Variants in TSNARE1 observed in about 807,000 individuals in gnomAD.
TSNARE1 encodes t-SNARE domain containing 1, also known as t-SNARE domain-containing protein 1.
TSNARE1 carries 49 observed loss-of-function variants against 62.0 expected under a neutral mutation model. The ratio of observed to expected loss-of-function variants is 0.79; its 90% confidence interval spans 0.63 to 1.00. TSNARE1 has a LOEUF of 1.00. Among genes scored for constraint, TSNARE1 ranks in the 50% least tolerant of loss-of-function variants. The pLI, the probability that TSNARE1 is intolerant of heterozygous loss-of-function variation, is 0.00. For synonymous variants in TSNARE1, 328 were observed against 294.4 expected, an observed-to-expected ratio of 1.11 and a Z score of -1.17; for missense variants, 755 against 700.1, an observed-to-expected ratio of 1.08 and a Z score of -0.88.
chr8:142,382,820 C>T (rs1413254398), intron 1 of TSNARE1, among the ~76,000 whole-genome samples: 1 of 152,250 alleles, frequency 6.6e-6, no homozygotes, highest in Non-Finnish European at 1.5e-5. Context: ...GTGCGGAAGG[C>T]ACTTTTCTGT....
chr8:142,213,962 C>T (rs957963293), intron 13 of TSNARE1, among the ~76,000 whole-genome samples: 4 of 151,746 alleles, frequency 2.6e-5, no homozygotes, highest in East Asian at 1.9e-4. Flanking sequence ...CAGAGCCAGC[C>T]CCCCCGGGAA....
At chr8:142,251,233 C>A (rs997859571) in intron 12 of TSNARE1, among the ~76,000 whole-genome samples, 3 of 151,940 alleles carry the variant, frequency 2.0e-5, no homozygotes, top group African/African-American at 7.2e-5. Context: ...GACCCCGGCC[C>A]CCCTGCACAC....
intron 11 of TSNARE1, among the ~76,000 whole-genome samples, chr8:142,279,332 C>A (rs574036284): frequency 3.3e-5 from 5 of 152,320 alleles, no homozygotes; most frequent in Admixed American, 3.3e-4. Flanking sequence ...CGACACCAGG[C>A]GGGAACGGCA....
intron 10 of TSNARE1, among the ~76,000 whole-genome samples, chr8:142,297,132 G>A (rs1044573061): frequency 2.6e-5 from 4 of 152,216 alleles, no homozygotes; most frequent in Non-Finnish European, 5.9e-5. Flanking sequence ...GAGCGGACAC[G>A]GGCCTAAAGC....
chr8:142,304,837 G>T (rs1001260697), intron 9 of TSNARE1, among the ~76,000 whole-genome samples: 1 of 152,182 alleles, frequency 6.6e-6, no homozygotes. Flanking sequence ...TCCCAGGGGG[G>T]ACATGGCCAT....
At chr8:142,213,640 A>C (rs1267275554) in intron 13 of TSNARE1, among the ~76,000 whole-genome samples, 4 of 152,124 alleles carry the variant, frequency 2.6e-5, no homozygotes, top group African/African-American at 9.7e-5. Context: ...CAGAGGAAGG[A>C]GGCAGCTGGG....
At chr8:142,361,790 T>C (rs1304888135) in intron 1 of TSNARE1, among the ~76,000 whole-genome samples, 2 of 152,118 alleles carry the variant, frequency 1.3e-5, no homozygotes, top group East Asian at 3.9e-4. Flanking sequence ...AGCTGTCAGT[T>C]CACAGGGACG....
At chr8:142,388,544 C>CA (rs1454533139) in intron 1 of TSNARE1, among the ~76,000 whole-genome samples, 1 of 117,514 alleles carries the variant, frequency 8.5e-6, no homozygotes, top group African/African-American at 3.1e-5. Context: ...TAGCAAAAAA[C>CA]AAAATCTTTT....
chr8:142,312,837 G>C (rs1244846072), intron 9 of TSNARE1, among the ~76,000 whole-genome samples: 1 of 152,208 alleles, frequency 6.6e-6, no homozygotes, highest in East Asian at 1.9e-4. Flanking sequence ...CACCACTGCT[G>C]TTCAGTCTCA....
intron 4 of TSNARE1, among the ~76,000 whole-genome samples, chr8:142,336,989 C>G (rs185775904): frequency 1.3e-5 from 2 of 151,804 alleles, no homozygotes; most frequent in East Asian, 3.9e-4. Context: ...AAATGTGTAT[C>G]AGTAAAGCAA....
chr8:142,304,317 G>T (rs1826297115), intron 9 of TSNARE1, among the ~76,000 whole-genome samples: 1 of 152,202 alleles, frequency 6.6e-6, no homozygotes, highest in Admixed American at 6.5e-5. Flanking sequence ...GGCTTCCGGG[G>T]CTCTTGCAGA....
chr8:142,317,761 C>A (rs140668173), intron 7 of TSNARE1, among the ~76,000 whole-genome samples: 7 of 152,156 alleles, frequency 4.6e-5, no homozygotes, highest in African/African-American at 1.4e-4. Context: ...AGTTTGAGAC[C>A]AGCCTGAGCA....
intron 10 of TSNARE1, among the ~76,000 whole-genome samples, chr8:142,292,121 G>A (rs1384376768): frequency 6.6e-6 from 1 of 152,114 alleles, no homozygotes; most frequent in Non-Finnish European, 1.5e-5. Context: ...GAGAGGCCAA[G>A]CGTGGAGCTC....
intron 13 of TSNARE1, among the ~76,000 whole-genome samples, chr8:142,218,022 G>T (rs368600884): frequency 1.6e-5 from 1 of 61,328 alleles, no homozygotes; most frequent in Admixed American, 1.4e-4. Flanking sequence ...GTGTGGCCAG[G>T]ATCAGGGCCC....
chr8:142,372,921 C>A (rs1012719007), intron 1 of TSNARE1, among the ~76,000 whole-genome samples: 8 of 152,116 alleles, frequency 5.3e-5, no homozygotes, highest in Non-Finnish European at 1.0e-4. Context: ...TGTGCCTCTC[C>A]CAGCAGACTC....
intron 12 of TSNARE1, among the ~76,000 whole-genome samples, chr8:142,246,862 C>T (rs1174853904): frequency 6.6e-6 from 1 of 152,258 alleles, no homozygotes; most frequent in Non-Finnish European, 1.5e-5. Flanking sequence ...TACACATCAG[C>T]ACCACCCTGA....
chr8:142,321,828 A>T (rs1829525817), intron 6 of TSNARE1, among the ~76,000 whole-genome samples: 1 of 152,226 alleles, frequency 6.6e-6, no homozygotes, highest in Admixed American at 6.5e-5. Context: ...CATTGCTGCA[A>T]ATACACAGGC....
chr8:142,342,722 T>C (rs1216965953), intron 4 of TSNARE1, among the ~76,000 whole-genome samples: 1 of 148,550 alleles, frequency 6.7e-6, no homozygotes, highest in East Asian at 2.0e-4. Flanking sequence ...TCAGACGCCA[T>C]GCCTACGCCC....
intron 13 of TSNARE1, among the ~76,000 whole-genome samples, chr8:142,218,411 T>G (rs1586748625): frequency 6.6e-6 from 1 of 152,270 alleles, no homozygotes; most frequent in Middle Eastern, 3.4e-3. Context: ...AGCTTCACTG[T>G]GTGGGTTTCT....
Sources: allele counts gnomAD v4.1 joint callset (sites outside exome capture counted in the v4.1 genomes callset), GRCh38; gene constraint gnomAD v4.1.1; transcripts MANE v1.5; gene names NCBI Gene and HGNC (gene_info 2026-07-23, HGNC 2026-07-21).